The following LRRC4C variants were observed in gnomAD, a reference collection of about 807,000 sequenced individuals.
LRRC4C encodes leucine rich repeat containing 4C.
A neutral mutation model predicts 33.6 loss-of-function variants in LRRC4C; 5 were observed. The observed-to-expected ratio is 0.15, with a 90% confidence interval of 0.08 to 0.31. The LOEUF (loss-of-function observed/expected upper bound fraction) is 0.31. LRRC4C is among the 10% of genes least tolerant of loss of function. The pLI, the probability that LRRC4C is intolerant of heterozygous loss-of-function variation, is 1.00. For missense variants in LRRC4C, 560 were observed against 796.7 expected (o/e 0.70, Z 3.58); for synonymous variants, 329 against 302.0 (o/e 1.09, Z -0.93).
intron 3 of LRRC4C, among the ~76,000 whole-genome samples, chr11:40,504,449 GAACAGATGCCA>G (rs1266331507): frequency 9.4e-6 from 1 of 106,368 alleles, no homozygotes; most frequent in African/African-American, 4.5e-5. Flanking sequence ...AACAGAATAT[GAACAGATGCCA>G]CTTGGAGGCA....
intron 1 of LRRC4C, among the ~76,000 whole-genome samples, chr11:41,309,420 A>G (rs1031061549): frequency 4.6e-5 from 7 of 152,182 alleles, no homozygotes; most frequent in Non-Finnish European, 7.3e-5. Flanking sequence ...CACAGAAGAC[A>G]CTTCCTGAGT....
intron 1 of LRRC4C, among the ~76,000 whole-genome samples, chr11:41,301,037 A>G (rs1404132404): frequency 6.6e-6 from 1 of 152,202 alleles, no homozygotes; most frequent in Non-Finnish European, 1.5e-5. Flanking sequence ...CAAAATTAGA[A>G]TGTAGTAAAA....
At chr11:40,795,490 A>G (rs965232998) in intron 2 of LRRC4C, among the ~76,000 whole-genome samples, 1 of 152,208 alleles carries the variant, frequency 6.6e-6, no homozygotes, top group Non-Finnish European at 1.5e-5. Context: ...AGATCATGCC[A>G]CTGCACTCCA....
intron 1 of LRRC4C, among the ~76,000 whole-genome samples, chr11:41,309,999 G>C (rs2137171261): frequency 6.6e-6 from 1 of 152,220 alleles, no homozygotes; most frequent in South Asian, 2.1e-4. Context: ...AACCTTCCTG[G>C]CTTCTTTGTC....
chr11:40,403,324 T>G (rs1005933815), intron 3 of LRRC4C, among the ~76,000 whole-genome samples: 6 of 152,152 alleles, frequency 3.9e-5, no homozygotes, highest in Non-Finnish European at 7.4e-5. Flanking sequence ...ACCAAGTTAG[T>G]TAGTCAAAGC....
chr11:40,998,842 T>C (rs761624364), intron 1 of LRRC4C, among the ~76,000 whole-genome samples: 7 of 152,246 alleles, frequency 4.6e-5, no homozygotes, highest in Non-Finnish European at 7.4e-5. Flanking sequence ...ATACTTCTTT[T>C]GGATTTCTGG....
chr11:40,937,643 G>T (rs1403292487), intron 1 of LRRC4C, among the ~76,000 whole-genome samples: 1 of 146,898 alleles, frequency 6.8e-6, no homozygotes, highest in Non-Finnish European at 1.5e-5. Context: ...GTGTGTGTGT[G>T]TAGGGTGGTT....
At chr11:40,946,018 C>A (rs1056547664) in intron 1 of LRRC4C, among the ~76,000 whole-genome samples, 3 of 152,246 alleles carry the variant, frequency 2.0e-5, no homozygotes, top group South Asian at 2.1e-4. Context: ...GTTTGGGATA[C>A]AAATGATCCT....
In LRRC4C at chr11:40,448,720, G is replaced by C. The variant is rs191296463; in HGVS notation, c.-269-128999C>G. 2.4e-3 allele frequency among the ~76,000 whole-genome samples: 373 copies of C among 152,278 alleles called. 4 individuals are homozygous for C. The highest frequency in any genetic ancestry group is 0.01 in the Middle Eastern group (3 of 294). The stretch of plus-strand genomic sequence containing the variant: ...TGCTGCAATAAACATATGTGTGCAT[G>C]TGTCTTTATAGTAGAATGATTTATA... On this transcript the variant is annotated intron_variant, in intron 3 of 6. Coordinates refer to ENST00000528697, the MANE Select transcript of LRRC4C (RefSeq NM_001258419.2).
intron 5 of LRRC4C, among the ~76,000 whole-genome samples, chr11:40,229,178 C>T (rs1305385667): frequency 6.6e-6 from 1 of 152,142 alleles, no homozygotes; most frequent in African/African-American, 2.4e-5. Flanking sequence ...TCCTCACCCT[C>T]TACACAGCCT....
chr11:40,136,103 C>T (rs1238176744), intron 6 of LRRC4C, among the ~76,000 whole-genome samples: 1 of 152,116 alleles, frequency 6.6e-6, no homozygotes, highest in Non-Finnish European at 1.5e-5. Flanking sequence ...TGTTAGTAGA[C>T]TTCCACACCC....
At chr11:41,262,550 A>C (rs1346768578) in intron 1 of LRRC4C, among the ~76,000 whole-genome samples, 1 of 152,048 alleles carries the variant, frequency 6.6e-6, no homozygotes, top group Non-Finnish European at 1.5e-5. Context: ...TTATCCTCTA[A>C]CGTATTATCA....
intron 1 of LRRC4C, among the ~76,000 whole-genome samples, chr11:41,212,741 G>A (rs1042166012): frequency 6.6e-6 from 1 of 152,146 alleles, no homozygotes; most frequent in African/African-American, 2.4e-5. Context: ...TCCCTGCAAA[G>A]GACATGATAT....
At chr11:40,236,277 A>T (rs1471968450) in intron 5 of LRRC4C, among the ~76,000 whole-genome samples, 1 of 152,184 alleles carries the variant, frequency 6.6e-6, no homozygotes, top group Non-Finnish European at 1.5e-5. Flanking sequence ...GAACTCTCTA[A>T]AGAGAACAGC....
At chr11:40,336,696 G>T (rs183810088) in intron 3 of LRRC4C, among the ~76,000 whole-genome samples, 1 of 152,164 alleles carries the variant, frequency 6.6e-6, no homozygotes, top group East Asian at 1.9e-4. Context: ...CGAATCAGGG[G>T]CTGGGCACGG....
At position 41,004,892 on chromosome 11, in the gene LRRC4C, T is replaced by C. The variant is rs557655968; in HGVS notation, c.-495-71169A>G. 4.6e-5 allele frequency among the ~76,000 whole-genome samples: 7 copies of C among 152,276 alleles called. No individual in the cohort carries two copies. The South Asian group carries it at 1.5e-3, about 32-fold the overall frequency. On this transcript the variant is annotated intron_variant, in intron 1 of 6. Coordinates refer to ENST00000528697, the MANE Select transcript of LRRC4C (RefSeq NM_001258419.2). ...ACGTGGCATTTTAACCATGCAATCC[T>C]AACTATCATGGATGCTAAAAGATGG...
intron 3 of LRRC4C, among the ~76,000 whole-genome samples, chr11:40,603,700 G>T (rs546780371): frequency 1.1e-4 from 16 of 152,212 alleles, no homozygotes; most frequent in African/African-American, 3.4e-4. Context: ...ACTTTGCAAC[G>T]CAGAGGAGAC....
chr11:40,655,374 A>G (rs987804478), intron 2 of LRRC4C, among the ~76,000 whole-genome samples: 1 of 152,236 alleles, frequency 6.6e-6, no homozygotes, highest in African/African-American at 2.4e-5. Context: ...GGAGGTAACC[A>G]TGTGTTTAAT....
At chr11:40,519,186 A>T (rs1048985890) in intron 3 of LRRC4C, among the ~76,000 whole-genome samples, 8 of 152,202 alleles carry the variant, frequency 5.3e-5, no homozygotes, top group South Asian at 2.1e-4. Context: ...ATGTGTATAC[A>T]TATGTAACAA....
Sources: gnomAD v4.1 joint callset for allele counts (sites outside exome capture counted in the v4.1 genomes callset) on GRCh38, gnomAD v4.1.1 for gene constraint, MANE v1.5 for transcripts, NCBI Gene and HGNC (gene_info 2026-07-23, HGNC 2026-07-21) for gene names.